Variants in IMMP2L observed in about 807,000 individuals in gnomAD.
IMMP2L encodes the protein mitochondrial inner membrane protease subunit 2.
In IMMP2L, 18 loss-of-function variants were observed where a neutral mutation model predicts 19.3. That is an observed-to-expected ratio of 0.93 (90% CI 0.64 to 1.38). The LOEUF (loss-of-function observed/expected upper bound fraction) is 1.38. Ranked by LOEUF, IMMP2L falls within the 40% of genes most tolerant of loss-of-function variation. The pLI, the probability that IMMP2L is intolerant of heterozygous loss-of-function variation, is 0.00. For synonymous variants in IMMP2L, 76 were observed against 73.0 expected (o/e 1.04, Z -0.21); for missense variants, 233 against 218.2 (o/e 1.07, Z -0.43).
At chr7:110,801,438 A>G (rs1012286091) in intron 5 of IMMP2L, among the ~76,000 whole-genome samples, 16 of 152,124 alleles carry the variant, frequency 1.1e-4, no homozygotes, top group African/African-American at 3.6e-4. Context: ...TCCTTTGGTC[A>G]TTGTTCTTAT....
intron 2 of IMMP2L, among the ~76,000 whole-genome samples, chr7:111,500,347 C>T (rs913237199): frequency 2.6e-5 from 4 of 152,196 alleles, no homozygotes; most frequent in African/African-American, 9.6e-5. Flanking sequence ...CTCAAGGAGG[C>T]CTGCCTGCCT....
At chr7:110,707,046 G>T (rs1308108894) in intron 5 of IMMP2L, among the ~76,000 whole-genome samples, 3 of 99,300 alleles carry the variant, frequency 3.0e-5, no homozygotes, top group Admixed American at 1.1e-4. Flanking sequence ...GGGTACATGT[G>T]CACATTGTGC....
intron 4 of IMMP2L, among the ~76,000 whole-genome samples, chr7:110,954,529 C>A (rs982089801): frequency 2.6e-5 from 4 of 151,956 alleles, no homozygotes; most frequent in African/African-American, 9.7e-5. Flanking sequence ...CATTTAAGAG[C>A]CAGGCACTGT....
At chr7:110,940,511 T>C (rs751543138) in intron 4 of IMMP2L, among the ~76,000 whole-genome samples, 9 of 152,074 alleles carry the variant, frequency 5.9e-5, no homozygotes, top group Non-Finnish European at 1.0e-4. Flanking sequence ...TGCACTGAAG[T>C]TTATAGATTT....
intron 3 of IMMP2L, among the ~76,000 whole-genome samples, chr7:110,985,512 C>T (rs1224106053): frequency 1.3e-5 from 2 of 152,116 alleles, no homozygotes; most frequent in Non-Finnish European, 2.9e-5. Context: ...CAGAGTTTCA[C>T]TATTCAAGTT....
chr7:110,783,747 A>C (rs907497330), intron 5 of IMMP2L, among the ~76,000 whole-genome samples: 2 of 151,872 alleles, frequency 1.3e-5, no homozygotes, highest in African/African-American at 4.8e-5. Flanking sequence ...AATACATAGA[A>C]GTTTAAGAAA....
chr7:110,704,353 A>G (rs1326141079), intron 5 of IMMP2L, among the ~76,000 whole-genome samples: 2 of 152,158 alleles, frequency 1.3e-5, no homozygotes, highest in Admixed American at 6.5e-5. Flanking sequence ...CCTTCCTAAC[A>G]TTTCCAAATT....
chr7:111,158,012 G>A (rs967196080), intron 3 of IMMP2L, among the ~76,000 whole-genome samples: 8 of 151,892 alleles, frequency 5.3e-5, no homozygotes, highest in African/African-American at 1.5e-4. Flanking sequence ...TGGCCCCGAT[G>A]ACATCATTAA....
At chr7:110,874,924 C>G (rs1045465159) in intron 5 of IMMP2L, among the ~76,000 whole-genome samples, 1 of 151,942 alleles carries the variant, frequency 6.6e-6, no homozygotes, top group South Asian at 2.1e-4. Context: ...TTTTTCCACA[C>G]AGAGCAGGAG....
At chr7:111,476,821 A>T (rs1040979745) in intron 3 of IMMP2L, among the ~76,000 whole-genome samples, 2 of 152,072 alleles carry the variant, frequency 1.3e-5, no homozygotes, top group African/African-American at 2.4e-5. Flanking sequence ...CTCTCACTTC[A>T]TATGCTGCAC....
chr7:111,177,162 C>T lies in IMMP2L; in HGVS notation c.240-213597G>A, dbSNP rs115107665. Among the ~76,000 whole-genome samples the T allele has an allele frequency of 9.5e-3, 1,446 of 151,834 alleles. 24 individuals carry two copies. The highest frequency in any genetic ancestry group is 0.032 in the African/African-American group (1,331 of 41,420). On this transcript the variant is annotated intron_variant, in intron 3 of 5. Transcript: ENST00000405709. Reference sequence around the variant, plus strand: ...AGTAGATTAGTGAGTTTCACAATGCCCTGCTTTTATTTTTTCATTTTTGTT... The same window carrying T: ...AGTAGATTAGTGAGTTTCACAATGCTCTGCTTTTATTTTTTCATTTTTGTT...
intron 3 of IMMP2L, among the ~76,000 whole-genome samples, chr7:111,376,795 A>T (rs1461638031): frequency 1.3e-5 from 2 of 152,134 alleles, no homozygotes; most frequent in Non-Finnish European, 2.9e-5. Flanking sequence ...AGTCGGTCAC[A>T]AAGAACCACA....
chr7:110,963,293 A>G (rs1000102879), intron 4 of IMMP2L, among the ~76,000 whole-genome samples: 2 of 151,978 alleles, frequency 1.3e-5, no homozygotes, highest in Admixed American at 6.6e-5. Flanking sequence ...ATACTTCACA[A>G]TTAAAGAATA....
At chr7:111,438,319 A>G (rs1413617141) in intron 3 of IMMP2L, among the ~76,000 whole-genome samples, 3 of 151,780 alleles carry the variant, frequency 2.0e-5, no homozygotes, top group Non-Finnish European at 4.4e-5. Context: ...TATGTTCTTA[A>G]ACATCTAAAA....
chr7:111,332,122 C>T (rs1042390139), intron 3 of IMMP2L, among the ~76,000 whole-genome samples: 1 of 151,378 alleles, frequency 6.6e-6, no homozygotes, highest in Admixed American at 6.6e-5. Context: ...TCAATAACAG[C>T]CGAATAACCA....
intron 2 of IMMP2L, among the ~76,000 whole-genome samples, chr7:111,500,267 T>C (rs1844060635): frequency 6.6e-6 from 1 of 152,114 alleles, no homozygotes; most frequent in African/African-American, 2.4e-5. Flanking sequence ...AAGGGGCGCC[T>C]GCCATTGCCG....
chr7:111,119,961 C>T (rs747184538), intron 3 of IMMP2L, among the ~76,000 whole-genome samples: 9 of 152,236 alleles, frequency 5.9e-5, no homozygotes, highest in Non-Finnish European at 1.2e-4. Context: ...GATTCTTGAA[C>T]TGAGGTTTGA....
At chr7:111,274,942 A>G (rs925611771) in intron 3 of IMMP2L, among the ~76,000 whole-genome samples, 7 of 152,190 alleles carry the variant, frequency 4.6e-5, no homozygotes, top group Non-Finnish European at 8.8e-5. Flanking sequence ...GATCATTTAC[A>G]GCTCTGTCTG....
At chr7:111,463,853 G>A (rs1442805956) in intron 3 of IMMP2L, among the ~76,000 whole-genome samples, 1 of 152,148 alleles carries the variant, frequency 6.6e-6, no homozygotes, top group Non-Finnish European at 1.5e-5. Context: ...GGTACACAGG[G>A]ATAAGTCAAT....
Sources: allele counts gnomAD v4.1 joint callset (sites outside exome capture counted in the v4.1 genomes callset), GRCh38; gene constraint gnomAD v4.1.1; transcripts MANE v1.5; gene names NCBI Gene and HGNC (gene_info 2026-07-23, HGNC 2026-07-21).